The following ADGRB3 variants were observed in gnomAD, a reference collection of about 807,000 sequenced individuals.
The protein encoded by ADGRB3 is brain-specific angiogenesis inhibitor 3.
Under a neutral mutation model 193.4 loss-of-function variants are expected in ADGRB3, and 37 were observed. The ratio of observed to expected loss-of-function variants is 0.19; its 90% confidence interval spans 0.15 to 0.25. ADGRB3 has a LOEUF of 0.25. ADGRB3 is among the 10% of genes least tolerant of loss of function. The pLI, the probability that ADGRB3 is intolerant of heterozygous loss-of-function variation, is 1.00. For synonymous variants in ADGRB3, 690 were observed against 644.2 expected (o/e 1.07, Z -1.08); for missense variants, 1,637 against 1,852.9 (o/e 0.88, Z 2.14).
At chr6:68,966,952 T>C (rs1182613881) in intron 8 of ADGRB3, among the ~76,000 whole-genome samples, 2 of 152,198 alleles carry the variant, frequency 1.3e-5, no homozygotes, top group East Asian at 3.9e-4. Context: ...GCTATTTTGC[T>C]TTTGGTATAA....
intron 3 of ADGRB3, among the ~76,000 whole-genome samples, chr6:68,772,321 A>C (rs1382116884): frequency 6.6e-6 from 1 of 152,098 alleles, no homozygotes; most frequent in African/African-American, 2.4e-5. Flanking sequence ...TTAGGGAAAT[A>C]CAGAAGATGG....
chr6:69,061,144 T>C (rs1771736378), intron 15 of ADGRB3, among the ~76,000 whole-genome samples: 2 of 151,936 alleles, frequency 1.3e-5, no homozygotes, highest in African/African-American at 2.4e-5. Context: ...CAAAATAGAC[T>C]TATGCTTTGT....
At chr6:69,043,290 GAGAAAGAAAGAA>G (rs145178367) in intron 13 of ADGRB3, among the ~76,000 whole-genome samples, 10,334 of 88,060 alleles carry the variant, frequency 0.12, 470 homozygotes, top group Non-Finnish European at 0.16. Context: ...GGAAGAAAGA[GAGAAAGAAAGAA>G]AGAAAGAAAG....
chr6:68,749,718 T>C (rs572280859), intron 3 of ADGRB3, among the ~76,000 whole-genome samples: 1 of 152,186 alleles, frequency 6.6e-6, no homozygotes, highest in East Asian at 1.9e-4. Context: ...TGTTGCAGGA[T>C]ACACTTAAAA....
intron 3 of ADGRB3, among the ~76,000 whole-genome samples, chr6:68,712,031 T>C (rs1259007800): frequency 6.6e-6 from 1 of 151,900 alleles, no homozygotes; most frequent in Non-Finnish European, 1.5e-5. Flanking sequence ...TATTAGGCTA[T>C]GGAAACAAAA....
intron 13 of ADGRB3, among the ~76,000 whole-genome samples, chr6:69,031,041 C>T (rs62416769): frequency 0.37 from 2,883 of 7,704 alleles, 628 homozygotes; most frequent in Middle Eastern, 0.75. Flanking sequence ...TCTCTTCTCT[C>T]TTCTCTTCTC....
At chr6:68,834,242 A>G (rs962767826) in intron 3 of ADGRB3, among the ~76,000 whole-genome samples, 1 of 152,082 alleles carries the variant, frequency 6.6e-6, no homozygotes, top group Non-Finnish European at 1.5e-5. Flanking sequence ...GAGGTTCCCA[A>G]TGCTGTGCTG....
At chr6:68,847,153 A>G (rs1180670902) in intron 3 of ADGRB3, among the ~76,000 whole-genome samples, 1 of 152,112 alleles carries the variant, frequency 6.6e-6, no homozygotes, top group East Asian at 1.9e-4. Context: ...TCCCATTTGG[A>G]ATGGCTGTAT....
intron 3 of ADGRB3, among the ~76,000 whole-genome samples, chr6:68,912,866 C>A (rs986459869): frequency 2.0e-5 from 3 of 152,134 alleles, no homozygotes; most frequent in East Asian, 1.9e-4. Flanking sequence ...CCTAATACTG[C>A]GCTTTTCCGA....
chr6:69,146,696 C>G (rs1200523873), intron 17 of ADGRB3, among the ~76,000 whole-genome samples: 1 of 152,136 alleles, frequency 6.6e-6, no homozygotes. Context: ...AGTGGCCACT[C>G]TAGATAGGCT....
chr6:68,639,331 T>C lies in ADGRB3; in HGVS notation c.656T>C (p.Val219Ala). Reference sequence around the variant, plus strand: ...TCGCTGATTTTGTTAAATAACGTGGTGTTACCCCTGAATGAGCAGACAGAG... The same window carrying C: ...TCGCTGATTTTGTTAAATAACGTGGCGTTACCCCTGAATGAGCAGACAGAG... The part of the protein sequence containing the change: ...DQSLILLNNV[V>A]LPLNEQTEGC... The change falls in exon 3 of 32, where the codon GTG (valine) becomes GCG (alanine). Residue 219 changes from valine to alanine, a missense_variant. Val to Ala is a moderately conservative substitution (Grantham distance 64). Transcript: ENST00000370598. 1.2e-6 allele frequency: 2 copies of C among 1,613,940 alleles called. No homozygotes were observed. Among genetic ancestry groups the C allele is most frequent in the Middle Eastern group, 3.3e-4 (2 of 6,062 alleles).
chr6:69,085,015 GAA>G (rs1315289637), intron 17 of ADGRB3, among the ~76,000 whole-genome samples: 1 of 152,006 alleles, frequency 6.6e-6, no homozygotes, highest in Non-Finnish European at 1.5e-5. Flanking sequence ...TAGGTATCTT[GAA>G]AAGTTATTTT....
intron 17 of ADGRB3, among the ~76,000 whole-genome samples, chr6:69,155,811 T>C (rs562296331): frequency 1.3e-5 from 2 of 152,306 alleles, no homozygotes; most frequent in South Asian, 2.1e-4. Context: ...TGGAGAAATA[T>C]TTTTTCTTCA....
rs1343436131 is a variant in ADGRB3 at position 69,159,403 on chromosome 6, ATTATAT to A, written c.2481-73882_2481-73877del. On this transcript the variant is annotated intron_variant, in intron 17 of 31. Transcript: ENST00000370598. ...CTTACCTCAAGTATTAGTAGAATTG[ATTATAT>A]TTATTAATTACAGATTGATTTTAAA... is the stretch of plus-strand genomic sequence containing the variant. 4.6e-5 allele frequency among the ~76,000 whole-genome samples: 7 copies of A among 152,182 alleles called. No homozygotes were observed. In the East Asian group the frequency reaches 1.3e-3, roughly 29 times the overall value.
chr6:69,192,651 C>T (rs1481167138), intron 17 of ADGRB3, among the ~76,000 whole-genome samples: 1 of 152,050 alleles, frequency 6.6e-6, no homozygotes, highest in Non-Finnish European at 1.5e-5. Flanking sequence ...ATTCTTATTT[C>T]AAAGTAGACC....
chr6:68,936,668 G>A lies in ADGRB3; in HGVS notation c.1018G>A (p.Ala340Thr), dbSNP rs939108810. The A allele has an allele frequency of 1.2e-6, 2 of 1,612,970 alleles. No homozygotes were observed. ...AGAATCAAGGGTTTGCAATAACACT[G>A]CCCTCTGTCCAGGTAGTGTTAGCAG... The part of the protein sequence containing the change: ...LRESRVCNNT[A>T]LCPVHGVWEE... The change falls in exon 5 of 32, where the codon GCC becomes ACC. Residue 340 changes from alanine (A) to threonine (T), a missense_variant. Around this residue, in one of 7 missense-constraint regions of ADGRB3, gnomAD observed 365 missense variants for 409.8 expected, o/e 0.89. Coordinates refer to ENST00000370598, the MANE Select transcript of ADGRB3 (RefSeq NM_001704.3).
chr6:68,678,189 G>A (rs1181446725), intron 3 of ADGRB3, among the ~76,000 whole-genome samples: 1 of 152,088 alleles, frequency 6.6e-6, no homozygotes, highest in East Asian at 1.9e-4. Context: ...GGGAGGCCAA[G>A]GAGAGACTCT....
chr6:68,880,832 T>C (rs1296951809), intron 3 of ADGRB3, among the ~76,000 whole-genome samples: 3 of 152,228 alleles, frequency 2.0e-5, no homozygotes, highest in Non-Finnish European at 2.9e-5. Flanking sequence ...TATCATATTC[T>C]AGTCATTGTT....
intron 3 of ADGRB3, among the ~76,000 whole-genome samples, chr6:68,882,367 A>G (rs1403138076): frequency 6.6e-6 from 1 of 152,206 alleles, no homozygotes; most frequent in Admixed American, 6.5e-5. Context: ...AAACCACAGG[A>G]TACTGAAGTT....
Sources: allele counts gnomAD v4.1 joint callset (sites outside exome capture counted in the v4.1 genomes callset), GRCh38; gene constraint gnomAD v4.1.1; regional missense constraint gnomAD v4.1.1; transcripts MANE v1.5; gene names NCBI Gene and HGNC (gene_info 2026-07-23, HGNC 2026-07-21).